ANKRD28: variants seen among roughly 807,000 people sequenced by gnomAD.
ANKRD28 encodes the protein serine/threonine-protein phosphatase 6 regulatory ankyrin repeat subunit A.
A neutral mutation model predicts 126.5 loss-of-function variants in ANKRD28; 44 were observed. That is an observed-to-expected ratio of 0.35 (90% confidence interval 0.27 to 0.45). The LOEUF is 0.45. Ranked by LOEUF, ANKRD28 falls within the 20% of genes least tolerant of loss-of-function variation. The pLI, the probability that ANKRD28 is intolerant of heterozygous loss-of-function variation, is 1.00. For synonymous variants in ANKRD28, 442 were observed against 468.5 expected (o/e 0.94, Z 0.73); for missense variants, 1,110 against 1,316.6 (o/e 0.84, Z 2.43).
intron 1 of ANKRD28, among the ~76,000 whole-genome samples, chr3:15,840,315 C>G (rs568677681): frequency 6.6e-6 from 1 of 151,704 alleles, no homozygotes; most frequent in Non-Finnish European, 1.5e-5. Context: ...AATAAAATAC[C>G]AGGAATTAAC....
chr3:15,682,060 T>C (rs896120216), intron 21 of ANKRD28, among the ~76,000 whole-genome samples: 1 of 152,048 alleles, frequency 6.6e-6, no homozygotes, highest in Non-Finnish European at 1.5e-5. Flanking sequence ...AGGTGTGGCC[T>C]AGGGAACCCT....
At chr3:15,753,372 A>AGATAGT (rs2057974842) in intron 3 of ANKRD28, among the ~76,000 whole-genome samples, 1 of 152,264 alleles carries the variant, frequency 6.6e-6, no homozygotes, top group Admixed American at 6.5e-5. Context: ...GGAACCCTAC[A>AGATAGT]GATAGTGAAG....
intron 1 of ANKRD28, among the ~76,000 whole-genome samples, chr3:15,847,858 C>T (rs920827790): frequency 2.0e-5 from 3 of 152,190 alleles, no homozygotes; most frequent in African/African-American, 7.2e-5. Context: ...AATCCTGCAC[C>T]GATTCCCTGC....
intron 1 of ANKRD28, among the ~76,000 whole-genome samples, chr3:15,825,493 T>C (rs1465258367): frequency 6.6e-6 from 1 of 152,076 alleles, no homozygotes; most frequent in Non-Finnish European, 1.5e-5. Flanking sequence ...GCACATCGTA[T>C]ACAAGAATAA....
intron 3 of ANKRD28, 46 bp from the exon 4 acceptor site, chr3:15,751,866 A>G: frequency 7.9e-7 from 1 of 1,267,246 alleles, no homozygotes; most frequent in Non-Finnish European, 1.1e-6. Flanking sequence ...TACATAAAAT[A>G]TTTTTAATAA....
intron 27 of ANKRD28, among the ~76,000 whole-genome samples, chr3:15,671,724 C>T (rs776203279): frequency 6.6e-6 from 1 of 151,804 alleles, no homozygotes; most frequent in African/African-American, 2.4e-5. Flanking sequence ...GCTGGGATTA[C>T]ACGTGTGTGC....
chr3:15,749,364 G>A (rs558821368), intron 4 of ANKRD28, among the ~76,000 whole-genome samples: 341 of 151,102 alleles, frequency 2.3e-3, no homozygotes, highest in African/African-American at 8.0e-3. Flanking sequence ...CACCCGCCTC[G>A]GCCTCCCAAA....
In ANKRD28 at chr3:15,693,557, G is replaced by A. The variant is rs973347454; in HGVS notation, c.1761+1182C>T. Among the ~76,000 whole-genome samples the A allele has an allele frequency of 2.2e-4, 34 of 152,208 alleles. 5 individuals carry two copies. The highest frequency in any genetic ancestry group is 9.8e-4 in the Admixed American group (15 of 15,278). The stretch of plus-strand genomic sequence containing the variant: ...ATCTCCACAAGGCGGAAATAGTCTG[G>A]CACCTAGAAAGTGCTCAAGAAATGA... On this transcript the variant is annotated intron_variant, in intron 17 of 27. Coordinates refer to ENST00000683139, the MANE Select transcript of ANKRD28 (RefSeq NM_001349278.2).
intron 11 of ANKRD28, among the ~76,000 whole-genome samples, chr3:15,711,541 T>C (rs1392713317): frequency 6.6e-6 from 1 of 152,194 alleles, no homozygotes; most frequent in Non-Finnish European, 1.5e-5. Context: ...AGATCACATG[T>C]TGGGTGAGTC....
At chr3:15,671,612 T>G (rs1277622344) in intron 27 of ANKRD28, among the ~76,000 whole-genome samples, 1 of 145,198 alleles carries the variant, frequency 6.9e-6, no homozygotes, top group Non-Finnish European at 1.5e-5. Context: ...TGAGACAGAG[T>G]CTGCTCGGTC....
chr3:15,792,980 C>G (rs939955994), intron 2 of ANKRD28, among the ~76,000 whole-genome samples: 4 of 152,112 alleles, frequency 2.6e-5, no homozygotes, highest in Admixed American at 2.6e-4. Context: ...TAAAATTATA[C>G]AATGACTATT....
chr3:15,774,309 A>G (rs2059157646), intron 2 of ANKRD28, among the ~76,000 whole-genome samples: 1 of 152,192 alleles, frequency 6.6e-6, no homozygotes, highest in Non-Finnish European at 1.5e-5. Context: ...CATAGTTAAG[A>G]GGATAAAAAG....
intron 1 of ANKRD28, among the ~76,000 whole-genome samples, chr3:15,811,509 C>A (rs924543602): frequency 6.6e-6 from 1 of 152,124 alleles, no homozygotes; most frequent in African/African-American, 2.4e-5. Flanking sequence ...GGCTGGAGTG[C>A]AGTGGCACAA....
chr3:15,820,198 C>T (rs898110978), intron 1 of ANKRD28, among the ~76,000 whole-genome samples: 26 of 152,068 alleles, frequency 1.7e-4, no homozygotes, highest in African/African-American at 5.3e-4. Context: ...CAATAATGTA[C>T]GTATGTTTAT....
At chr3:15,693,945 T>C (rs1168112937) in intron 17 of ANKRD28, among the ~76,000 whole-genome samples, 2 of 152,174 alleles carry the variant, frequency 1.3e-5, no homozygotes, top group East Asian at 1.9e-4. Context: ...ACTGAACTTG[T>C]AGTGTTCCAC....
intron 1 of ANKRD28, among the ~76,000 whole-genome samples, chr3:15,811,328 C>T (rs1575750946): frequency 6.6e-6 from 1 of 152,006 alleles, no homozygotes. Context: ...AGTAGGGTAG[C>T]TAACAAAAAG....
chr3:15,695,937 A>G (rs2069482094), intron 15 of ANKRD28, among the ~76,000 whole-genome samples, 197 bp downstream of exon 15: 2 of 152,102 alleles, frequency 1.3e-5, no homozygotes, highest in Non-Finnish European at 1.5e-5. Flanking sequence ...TCAGAGATCT[A>G]ATTTTCTCCT....
rs556542689 is a variant in ANKRD28 at position 15,673,269 on chromosome 3, C to T, written c.2965+2629G>A. 5.4e-4 allele frequency among the ~76,000 whole-genome samples: 82 copies of T among 152,354 alleles called. No homozygotes were observed. The South Asian group carries it at 0.016, about 29-fold the overall frequency. On this transcript the variant is annotated intron_variant, in intron 27 of 27. Coordinates refer to ENST00000683139, the MANE Select transcript of ANKRD28 (RefSeq NM_001349278.2). The stretch of plus-strand genomic sequence containing the variant: ...TATTCCAATTAAACTATTTTAAGTG[C>T]ATCGTTAATAGGCTGTTTGCACTCT...
intron 4 of ANKRD28, among the ~76,000 whole-genome samples, chr3:15,746,286 T>C (rs2057471968): frequency 6.6e-6 from 1 of 152,212 alleles, no homozygotes. Context: ...TGTCTTGTTC[T>C]GGTTCTCAGG....
Sources: gnomAD v4.1 joint callset for allele counts (sites outside exome capture counted in the v4.1 genomes callset) on GRCh38, gnomAD v4.1.1 for gene constraint, MANE v1.5 for transcripts, NCBI Gene and HGNC (gene_info 2026-07-23, HGNC 2026-07-21) for gene names.